Variants in PPFIA2 observed in about 807,000 individuals in gnomAD.
PPFIA2 encodes the protein PPFI scaffold protein A2.
In PPFIA2, 46 loss-of-function variants were observed where a neutral mutation model predicts 175.5. The ratio of observed to expected loss-of-function variants is 0.26; its 90% CI spans 0.21 to 0.34. The LOEUF is 0.34. Ranked by LOEUF, PPFIA2 falls within the 10% of genes least tolerant of loss-of-function variation. PPFIA2 has a pLI of 1.00. For synonymous variants in PPFIA2, 568 were observed against 511.4 expected, an observed-to-expected ratio of 1.11 and a Z score of -1.49; for missense variants, 1,179 against 1,506.1, an observed-to-expected ratio of 0.78 and a Z score of 3.60.
intron 11 of PPFIA2, among the ~76,000 whole-genome samples, chr12:81,374,298 T>A (rs1253245712): frequency 1.3e-5 from 2 of 152,130 alleles, no homozygotes; most frequent in Admixed American, 1.3e-4. Context: ...GTGAAGCCTG[T>A]TAAATTGTTA....
Position 81,746,345 on chromosome 12 carries a change from C to A in PPFIA2, c.249+7628G>T, listed in dbSNP as rs937786271. 4.9e-5 allele frequency among the ~76,000 whole-genome samples: 7 copies of A among 143,850 alleles called. 1 individual carries two copies. Among genetic ancestry groups the A allele is most frequent in the East Asian group, 2.1e-4 (1 of 4,698 alleles). 94.4% of individuals were successfully genotyped at this position (143,850 alleles called of 152,430 possible). ...TCATGAAAGTTAAGGGGATAAGATT[C>A]ATTTATCCATTTTTTTTGGAGAAGC... On this transcript the variant is annotated intron_variant, in intron 3 of 32. Coordinates refer to ENST00000549396, the MANE Select transcript of PPFIA2 (RefSeq NM_003625.5).
intron 5 of PPFIA2, among the ~76,000 whole-genome samples, chr12:81,456,521 T>C (rs1032719346): frequency 3.3e-5 from 5 of 152,360 alleles, no homozygotes; most frequent in Middle Eastern, 3.4e-3. Context: ...CTGTATTTTA[T>C]ATTACTCTCT....
At chr12:81,573,419 T>A (rs980539407) in intron 4 of PPFIA2, among the ~76,000 whole-genome samples, 1 of 151,962 alleles carries the variant, frequency 6.6e-6, no homozygotes, top group African/African-American at 2.4e-5. Flanking sequence ...CATTCTGGAA[T>A]GCTAACCATC....
intron 9 of PPFIA2, among the ~76,000 whole-genome samples, chr12:81,383,308 C>T (rs1057441085): frequency 3.9e-5 from 6 of 152,026 alleles, no homozygotes; most frequent in African/African-American, 1.2e-4. Flanking sequence ...AGTCAGAAAA[C>T]GCAATTTCCA....
chr12:81,597,636 C>T (rs1444411977), intron 4 of PPFIA2, among the ~76,000 whole-genome samples: 5 of 151,950 alleles, frequency 3.3e-5, no homozygotes, highest in African/African-American at 4.8e-5. Context: ...CAATGTTTAC[C>T]ATATTATAAC....
chr12:81,522,688 C>A (rs2063295666), intron 4 of PPFIA2, among the ~76,000 whole-genome samples: 1 of 152,176 alleles, frequency 6.6e-6, no homozygotes, highest in Non-Finnish European at 1.5e-5. Flanking sequence ...CACTTCCCTG[C>A]CGTCCAAATT....
rs557509289 is a variant in PPFIA2, at chr12:81,652,760, T to C, written c.303+24031A>G. Among the ~76,000 whole-genome samples the C allele has an allele frequency of 7.9e-5, 12 of 152,182 alleles. No individual in the cohort carries two copies. The East Asian group carries it at 1.4e-3, about 17-fold the overall frequency. ...TTTGTAGATGGTCTCACTATTCCCA[T>C]ATCATTATATATTATTTACATACTG... On this transcript the variant is annotated intron_variant, in intron 4 of 32. Coordinates refer to ENST00000549396, the MANE Select transcript of PPFIA2 (RefSeq NM_003625.5).
chr12:81,723,180 C>A (rs557145023), intron 3 of PPFIA2, among the ~76,000 whole-genome samples: 1 of 151,102 alleles, frequency 6.6e-6, no homozygotes, highest in South Asian at 2.1e-4. Context: ...GCTCTACTAA[C>A]TGCATGCAAA....
chr12:81,526,741 A>G (rs2063775866), intron 4 of PPFIA2, among the ~76,000 whole-genome samples: 1 of 152,198 alleles, frequency 6.6e-6, no homozygotes, highest in African/African-American at 2.4e-5. Flanking sequence ...GAAGCAACAA[A>G]TTTTTAAAAT....
At chr12:81,283,976 T>G (rs1292994604) in intron 25 of PPFIA2, among the ~76,000 whole-genome samples, 1 of 152,184 alleles carries the variant, frequency 6.6e-6, no homozygotes, top group Non-Finnish European at 1.5e-5. Context: ...CTTCCAATGT[T>G]GCAACATGAA....
Position 81,639,005 on chromosome 12 carries a change from C to T in PPFIA2, c.303+37786G>A, listed in dbSNP as rs972435011. Among the ~76,000 whole-genome samples, 16 of 152,256 alleles carry T rather than the reference C, an allele frequency of 1.1e-4. No individual in the cohort carries two copies. In the East Asian group the frequency reaches 3.1e-3, roughly 29 times the overall value. On this transcript the variant is annotated intron_variant, in intron 4 of 32. Transcript: ENST00000549396. ...CCCGGCCTGTTTTGTCATAAATTTT[C>T]TTTCCCACTTTAATATACTTCAGAA...
chr12:81,722,223 C>A (rs1596821629), intron 3 of PPFIA2, among the ~76,000 whole-genome samples: 1 of 151,102 alleles, frequency 6.6e-6, no homozygotes, highest in East Asian at 2.0e-4. Context: ...CCACGTTTCT[C>A]CCAGCCAAGA....
intron 3 of PPFIA2, among the ~76,000 whole-genome samples, chr12:81,701,279 C>G (rs1185573185): frequency 6.6e-6 from 1 of 152,166 alleles, no homozygotes; most frequent in Non-Finnish European, 1.5e-5. Flanking sequence ...GCTGCTGTAA[C>G]TGCTGCTATT....
intron 4 of PPFIA2, among the ~76,000 whole-genome samples, chr12:81,489,481 A>C (rs17008607): frequency 0.076 from 11,541 of 151,970 alleles, 568 homozygotes; most frequent in East Asian, 0.2. Context: ...GAGAAAAATC[A>C]TTAGACAGTT....
At chr12:81,702,192 T>C (rs1030299327) in intron 3 of PPFIA2, among the ~76,000 whole-genome samples, 2 of 151,358 alleles carry the variant, frequency 1.3e-5, no homozygotes, top group African/African-American at 4.8e-5. Flanking sequence ...GCTGCTTGTA[T>C]CTAGTGCCAC....
intron 3 of PPFIA2, among the ~76,000 whole-genome samples, chr12:81,709,234 G>A (rs1306538409): frequency 6.6e-6 from 1 of 151,920 alleles, no homozygotes; most frequent in African/African-American, 2.4e-5. Flanking sequence ...TCTCATAAAT[G>A]GCTCCTTTTC....
chr12:81,744,425 T>C (rs1349225641), intron 3 of PPFIA2, among the ~76,000 whole-genome samples: 1 of 150,068 alleles, frequency 6.7e-6, no homozygotes, highest in Non-Finnish European at 1.5e-5. Flanking sequence ...GCTTTCTTTT[T>C]TTTTTTTTTT....
chr12:81,325,630 T>C (rs948750296), intron 22 of PPFIA2, 147 bp downstream of exon 22: 3 of 568,502 alleles, frequency 5.3e-6, no homozygotes, highest in Non-Finnish European at 3.1e-6. Flanking sequence ...CCAGGAAACA[T>C]AAGCCCTGAG....
In PPFIA2 at chr12:81,750,358, T is replaced by C. The variant is rs1002739559; in HGVS notation, c.249+3615A>G. ...CAAGAAAAACAGAAGAGTAGAGAGATTTGAGAATTATTTAAGAGGTACAAA... is the reference window on the plus strand; with the variant it reads ...CAAGAAAAACAGAAGAGTAGAGAGACTTGAGAATTATTTAAGAGGTACAAA... On this transcript the variant is annotated intron_variant, in intron 3 of 32. Coordinates refer to ENST00000549396, the MANE Select transcript of PPFIA2 (RefSeq NM_003625.5). Among the ~76,000 whole-genome samples, 3 of 142,616 alleles carry C rather than the reference T, an allele frequency of 2.1e-5. No individual in the cohort carries two copies. In the Admixed American group the frequency reaches 2.2e-4, roughly 11 times the overall value. The allele number at this position is 142,616 out of a possible 152,430, so 93.6% of individuals were successfully genotyped here.
Sources: allele counts gnomAD v4.1 joint callset (sites outside exome capture counted in the v4.1 genomes callset), GRCh38; gene constraint gnomAD v4.1.1; transcripts MANE v1.5; gene names NCBI Gene and HGNC (gene_info 2026-07-23, HGNC 2026-07-21).